The following PCSK4 variants were observed in gnomAD, a reference collection of about 807,000 sequenced individuals.
PCSK4 encodes proprotein convertase subtilisin/kexin type 4.
PCSK4 carries 64 observed loss-of-function variants against 80.3 expected under a neutral mutation model. The ratio of observed to expected loss-of-function variants is 0.80; its 90% CI spans 0.65 to 0.98. PCSK4 has a LOEUF of 0.98. PCSK4 is among the 50% of genes least tolerant of loss of function. The pLI, the probability that PCSK4 is intolerant of heterozygous loss-of-function variation, is 0.00. For missense variants in PCSK4, 1,213 were observed against 1,093.6 expected, an observed-to-expected ratio of 1.11 and a Z score of -1.54; for synonymous variants, 561 against 487.6, an observed-to-expected ratio of 1.15 and a Z score of -1.98.
At chr19:1,483,606 C>T in intron 11 of PCSK4, 44 bp downstream of exon 11, 2 of 1,499,336 alleles carry the variant, frequency 1.3e-6, no homozygotes, top group Non-Finnish European at 1.8e-6. Context: ...GCCTGTCCCC[C>T]ACACCCCCAG....
chr19:1,484,760 C>T (rs537543968), intron 8 of PCSK4, among the ~76,000 whole-genome samples: 1 of 151,230 alleles, frequency 6.6e-6, no homozygotes, highest in African/African-American at 2.4e-5. Flanking sequence ...TTGCAGTGAG[C>T]CAAGATCACA....
At chr19:1,490,172 C>T (rs762965150) in exon 1 of PCSK4, 1 of 1,613,744 alleles carries the variant, frequency 6.2e-7, no homozygotes, top group Non-Finnish European at 8.5e-7. Flanking sequence ...CCCAGGTTGA[C>T]GAAGCCGAAT....
chr19:1,484,495 A>G (rs1419056806), intron 8 of PCSK4, among the ~76,000 whole-genome samples: 2 of 150,912 alleles, frequency 1.3e-5, no homozygotes, highest in African/African-American at 4.9e-5. Flanking sequence ...TCTGGATTAA[A>G]AAAAAAAAAG....
exon 15 of PCSK4, chr19:1,481,831 T>G: frequency 6.4e-7 from 1 of 1,553,740 alleles, no homozygotes; most frequent in Non-Finnish European, 8.7e-7. Context: ...AGGCGTATAG[T>G]GGGAGGTCCA....
In PCSK4 at chr19:1,483,653, G is replaced by A. The variant is rs772660345; in HGVS notation, c.1388C>T (p.Pro463Leu). ...GAGGGGCGCGCAGGGGTCTCACGTG[G>A]GGCGGCTCTGGACCCGGACGGCGCA... Residue 463 changes from proline (P) to leucine (L), a missense_variant, in exon 11 of 15, where the codon CCC becomes CTC. Pro to Leu is a moderately conservative substitution (Grantham distance 98). Transcript: ENST00000300954. 11 of 1,586,722 alleles carry A rather than the reference G, an allele frequency of 6.9e-6. No individual in the cohort carries two copies. In the South Asian group the frequency reaches 1.1e-4, roughly 16 times the overall value.
chr19:1,486,360 G>A (rs1289201502), intron 8 of PCSK4, among the ~76,000 whole-genome samples: 8 of 149,156 alleles, frequency 5.4e-5, no homozygotes, highest in African/African-American at 1.7e-4. Flanking sequence ...GCAGTGGCCC[G>A]ATCTCGGCTC....
intron 2 of PCSK4, among the ~76,000 whole-genome samples, chr19:1,489,352 T>C (rs969728862): frequency 2.0e-5 from 3 of 152,230 alleles, no homozygotes; most frequent in African/African-American, 7.2e-5. Flanking sequence ...TAGGATCTCG[T>C]CTCGATTTCC....
chr19:1,486,177 A>G (rs1455962873), intron 8 of PCSK4, among the ~76,000 whole-genome samples: 1 of 147,822 alleles, frequency 6.8e-6, no homozygotes, highest in Non-Finnish European at 1.5e-5. Context: ...GGGTTTTGCC[A>G]TGTTGGCTAG....
chr19:1,481,700 G>C, exon 15 of PCSK4: 1 of 1,225,626 alleles, frequency 8.2e-7, no homozygotes. Flanking sequence ...GAGGCAGCAT[G>C]GCAGCAGTGC....
At chr19:1,481,755 A>G (rs779469225) in exon 15 of PCSK4, 1 of 1,504,560 alleles carries the variant, frequency 6.6e-7, no homozygotes, top group Admixed American at 2.3e-5. Flanking sequence ...CTGAGCTGAC[A>G]ACTTCAGGTT....
In PCSK4 at chr19:1,488,295, G is replaced by A. The variant is rs1056959563; in HGVS notation, c.295-15C>T. 3 of 1,605,774 alleles carry A rather than the reference G, an allele frequency of 1.9e-6. No homozygotes were observed. The highest frequency in any genetic ancestry group is 2.6e-6 in the Non-Finnish European group (3 of 1,174,938). Reference sequence around the variant, plus strand: ...AACCACTGCACCTGCAGAGCAGAGGGTGCATCAGGCCTGTCCCCTGCTCGC... The same window carrying A: ...AACCACTGCACCTGCAGAGCAGAGGATGCATCAGGCCTGTCCCCTGCTCGC... On this transcript the variant is annotated splice_polypyrimidine_tract_variant and intron_variant, in intron 2 of 14. Transcript: ENST00000300954.
chr19:1,489,881 T>C (rs780287543), exon 2 of PCSK4: 2 of 1,609,502 alleles, frequency 1.2e-6, no homozygotes, highest in East Asian at 2.2e-5. Context: ...GTGAAAGTAC[T>C]GCCCGTCAGG....
chr19:1,486,006 T>C (rs543894880), intron 8 of PCSK4, among the ~76,000 whole-genome samples: 1 of 152,214 alleles, frequency 6.6e-6, no homozygotes, highest in African/African-American at 2.4e-5. Context: ...AGGGTCTCGC[T>C]CTGTGGCCTA....
rs1057022520 is a variant in PCSK4 at position 1,483,277 on chromosome 19, C to T, written c.1571+7G>A. Reference sequence around the variant, plus strand: ...AGGCCGCCCCCTCTCCTCTGCGGGCCGCTCACCGTATGGCCACGAGTGTGG... The same window carrying T: ...AGGCCGCCCCCTCTCCTCTGCGGGCTGCTCACCGTATGGCCACGAGTGTGG... On this transcript the variant is annotated splice_region_variant and intron_variant, in intron 12 of 14. Transcript: ENST00000300954. 1 of 1,570,546 alleles carries T rather than the reference C, an allele frequency of 6.4e-7. No homozygotes were observed. The highest frequency in any genetic ancestry group is 8.6e-7 in the Non-Finnish European group (1 of 1,157,380).
At chr19:1,489,934 C>A in intron 1 of PCSK4, 37 bp from the exon 2 acceptor site, 2 of 1,571,780 alleles carry the variant, frequency 1.3e-6, no homozygotes, top group South Asian at 2.3e-5. Context: ...CGATGGGACC[C>A]GGCTCCCCTG....
At chr19:1,488,014 C>G (rs780147450) in exon 4 of PCSK4, 17 of 1,613,540 alleles carry the variant, frequency 1.1e-5, no homozygotes, top group Non-Finnish European at 1.4e-5. Flanking sequence ...TCGTCCAGCA[C>G]AGAGACCACG....
intron 1 of PCSK4, 129 bp from the exon 2 acceptor site, chr19:1,490,026 T>C: frequency 8.5e-6 from 13 of 1,521,724 alleles, no homozygotes; most frequent in Middle Eastern, 1.8e-4. Context: ...GAAGCTGAGC[T>C]TGGCTGAGGC....
chr19:1,487,289 A>G, exon 7 of PCSK4: 1 of 1,598,138 alleles, frequency 6.3e-7, no homozygotes, highest in East Asian at 2.2e-5. Context: ...GACATCGGTG[A>G]TGGTACCGTC....
upstream of PCSK4, chr19:1,490,535 G>C: frequency 2.0e-6 from 1 of 505,454 alleles, no homozygotes; most frequent in Non-Finnish European, 3.5e-6. Flanking sequence ...ACGCACGCCT[G>C]CCCGTCTTCC....
Sources: gnomAD v4.1 joint callset for allele counts (sites outside exome capture counted in the v4.1 genomes callset) on GRCh38, gnomAD v4.1.1 for gene constraint, MANE v1.5 for transcripts, NCBI Gene and HGNC (gene_info 2026-07-23, HGNC 2026-07-21) for gene names.